MRC2: variants seen among roughly 807,000 people sequenced by gnomAD.
MRC2 encodes the protein C-type mannose receptor 2.
A neutral mutation model predicts 206.2 loss-of-function variants in MRC2; 84 were observed. The ratio of observed to expected loss-of-function variants is 0.41; its 90% CI spans 0.34 to 0.49. MRC2 has a LOEUF of 0.49. Ranked by LOEUF, MRC2 falls within the 20% of genes least tolerant of loss-of-function variation. The pLI is 0.31. For missense variants in MRC2, 1,676 were observed against 2,001.5 expected, an observed-to-expected ratio of 0.84 and a Z score of 3.10; for synonymous variants, 798 against 800.0, an observed-to-expected ratio of 1.00 and a Z score of 0.04.
At chr17:62,665,688 C>G (rs991102501) in intron 2 of MRC2, among the ~76,000 whole-genome samples, 7 of 152,168 alleles carry the variant, frequency 4.6e-5, no homozygotes, top group Non-Finnish European at 5.9e-5. Context: ...ACAGCCCCGT[C>G]CTGGGGGGGC....
chr17:62,639,390 G>A (rs1469338020), intron 1 of MRC2, among the ~76,000 whole-genome samples: 1 of 151,804 alleles, frequency 6.6e-6, no homozygotes, highest in African/African-American at 2.4e-5. Context: ...TGGAAATGAA[G>A]GAAATTAGCT....
Position 62,680,211 on chromosome 17 carries a change from C to A in MRC2, c.2340C>A (p.Asp780Glu). 6.2e-7 allele frequency: 1 copy of A among 1,614,124 alleles called. No homozygotes were observed. Among genetic ancestry groups the A allele is most frequent in the Non-Finnish European group, 8.5e-7 (1 of 1,180,000 alleles). Reference sequence around the variant, plus strand: ...TCGACCGGAGCCGGCACGACGACGACGACATCCGAGGCTGTGCGGTGCTGG... The same window carrying A: ...TCGACCGGAGCCGGCACGACGACGAAGACATCCGAGGCTGTGCGGTGCTGG... ...HNFDRSRHDD[D>E]DIRGCAVLDL... Residue 780 changes from aspartate (D) to glutamate (E), a missense_variant, in exon 15 of 30, where the codon GAC becomes GAA. Physicochemically the swap from Asp to Glu is conservative, Grantham distance 45. This residue lies in a region of MRC2 where 1,354 missense variants were observed against 1,636.6 expected (regional missense o/e 0.83). Transcript: ENST00000303375. This position sits in a 1 kb window ranked among gnomAD's most constrained non-coding sequence, Gnocchi z 4.8.
Position 62,677,379 on chromosome 17 carries a change from G to T in MRC2, c.1945G>T (p.Gly649Cys), listed in dbSNP as rs778511645. The T allele has an allele frequency of 6.2e-7, 1 of 1,610,584 alleles. No homozygotes were observed. Among genetic ancestry groups the T allele is most frequent in the Non-Finnish European group, 8.5e-7 (1 of 1,179,140 alleles). Residue 649 changes from glycine to cysteine, a missense_variant, in exon 12 of 30, where the codon GGC (glycine) becomes TGC (cysteine). By Grantham distance (159) the Gly-to-Cys change is radical (BLOSUM62 -3). This residue lies in a region of MRC2 where 1,354 missense variants were observed against 1,636.6 expected (regional missense o/e 0.83). Coordinates refer to ENST00000303375, the MANE Select transcript of MRC2 (RefSeq NM_006039.5). ...CCGCTACATCTGCCGGCAGAGCCTG[G>T]GCACTCCAGTGACGCCGGAGCTGCC... Reference protein sequence around the residue: ...RARYICRQSLGTPVTPELPGP... With the variant: ...RARYICRQSLCTPVTPELPGP...
At chr17:62,679,962 T>G in intron 14 of MRC2, 60 bp downstream of exon 14, 1 of 1,515,014 alleles carries the variant, frequency 6.6e-7, no homozygotes, top group South Asian at 1.2e-5. Context: ...CGGGGCCTGT[T>G]TGGGGCGGGG....
chr17:62,665,856 T>TA (rs2088746229), intron 2 of MRC2, among the ~76,000 whole-genome samples: 1 of 152,080 alleles, frequency 6.6e-6, no homozygotes, highest in African/African-American at 2.4e-5. Context: ...TTAGGGGTAC[T>TA]AGGGAGCCCC....
rs997939803 is a variant in MRC2, at chr17:62,671,181, C to G, written c.1118-468C>G. On this transcript the variant is annotated intron_variant, in intron 6 of 29. Transcript: ENST00000303375. The surrounding 1 kb of genome is among the most constrained non-coding windows in gnomAD (Gnocchi z 4.5). ...TGACCTCCCCGGGTCAAGTGATCCT[C>G]CCACCTCAGCCTCCTGAGTAGCGGG... Among the ~76,000 whole-genome samples, 7 of 152,222 alleles carry G rather than the reference C, an allele frequency of 4.6e-5. No individual in the cohort carries two copies. The highest frequency in any genetic ancestry group is 1.7e-4 in the African/African-American group (7 of 41,448).
chr17:62,636,460 GA>G (rs1485801761), intron 1 of MRC2, among the ~76,000 whole-genome samples: 16 of 124,512 alleles, frequency 1.3e-4, no homozygotes, highest in African/African-American at 4.3e-4. Flanking sequence ...GTAATCTTCT[GA>G]TTTTTTTTTT....
chr17:62,633,963 G>A (rs567763063), intron 1 of MRC2, among the ~76,000 whole-genome samples: 8 of 150,408 alleles, frequency 5.3e-5, no homozygotes, highest in Admixed American at 1.3e-4. Flanking sequence ...AATTTGAGGC[G>A]AATCCATAGG....
At chr17:62,643,342 AAAAAAG>A (rs1486261950) in intron 1 of MRC2, among the ~76,000 whole-genome samples, 2 of 38,622 alleles carry the variant, frequency 5.2e-5, no homozygotes, top group South Asian at 1.5e-3. Flanking sequence ...AAAAAAAAAA[AAAAAAG>A]AAAAAGAAAA....
chr17:62,632,741 A>G (rs1247607285), intron 1 of MRC2, among the ~76,000 whole-genome samples: 4 of 152,174 alleles, frequency 2.6e-5, no homozygotes, highest in Admixed American at 2.0e-4. Flanking sequence ...GCACACAGAC[A>G]TGGCCCATGG....
chr17:62,666,237 G>A lies in MRC2; in HGVS notation c.664G>A (p.Asp222Asn). The A allele has an allele frequency of 1.3e-6, 2 of 1,594,976 alleles. No individual in the cohort carries two copies. Among genetic ancestry groups the A allele is most frequent in the Non-Finnish European group, 1.7e-6 (2 of 1,171,380 alleles). ...TGCCACCACCCAGGACTACGGCAAA[G>A]ACGAGCGCTGGGGCTTCTGCCCCAT... is the stretch of plus-strand genomic sequence containing the variant. ...WCATTQDYGKDERWGFCPIKS... is the reference protein window; with the variant it reads ...WCATTQDYGKNERWGFCPIKS... Residue 222 changes from aspartate to asparagine, a missense_variant, in exon 3 of 30, where the codon GAC (aspartate) becomes AAC (asparagine). By Grantham distance (23) the Asp-to-Asn change is conservative. Around this residue, in one of 3 missense-constraint regions of MRC2, gnomAD observed 318 missense variants for 346.7 expected, o/e 0.92. Coordinates refer to ENST00000303375, the MANE Select transcript of MRC2 (RefSeq NM_006039.5). This position sits in a 1 kb window ranked among gnomAD's most constrained non-coding sequence, Gnocchi z 5.0.
chr17:62,680,339 A>C lies in MRC2; in HGVS notation c.2437+31A>C. 6.2e-7 allele frequency: 1 copy of C among 1,613,358 alleles called. No individual in the cohort carries two copies. Among genetic ancestry groups the C allele is most frequent in the Non-Finnish European group, 8.5e-7 (1 of 1,179,610 alleles). On this transcript the variant is annotated intron_variant, in intron 15 of 29. Coordinates refer to ENST00000303375, the MANE Select transcript of MRC2 (RefSeq NM_006039.5). The surrounding 1 kb of genome is among the most constrained non-coding windows in gnomAD (Gnocchi z 4.8). ...CCGGAGTGGCGCTGGGGGACGCGGG[A>C]TGGAGCGAAGGGTGGCGGGGCCAGG...
chr17:62,639,687 C>T (rs987865184), intron 1 of MRC2, among the ~76,000 whole-genome samples: 15 of 152,144 alleles, frequency 9.9e-5, no homozygotes, highest in African/African-American at 3.4e-4. Context: ...TGCAGTGGCA[C>T]AATCATAGTT....
intron 1 of MRC2, among the ~76,000 whole-genome samples, chr17:62,628,305 C>T (rs2084186864): frequency 6.6e-6 from 1 of 152,174 alleles, no homozygotes; most frequent in Admixed American, 6.5e-5. Context: ...AGCCAGGGCT[C>T]TCTGTCCGGG....
rs756201860 is a variant in MRC2 at position 62,689,537 on chromosome 17, C to G, written c.3350C>G (p.Pro1117Arg). Residue 1117 changes from proline (P) to arginine (R), a missense_variant, in exon 24 of 30, where the codon CCG becomes CGG. This residue lies in a region of MRC2 where 1,354 missense variants were observed against 1,636.6 expected (regional missense o/e 0.83). Coordinates refer to ENST00000303375, the MANE Select transcript of MRC2 (RefSeq NM_006039.5). ...CQKGTDPSLS[P>R]SPAALPPAPG... ...TTCCCTGTAGACCCCTCCCTGAGCC[C>G]GTCCCCAGCAGCGCTGCCCCCCGCC... The G allele has an allele frequency of 1.1e-5, 17 of 1,580,248 alleles. No individual in the cohort carries two copies. Among genetic ancestry groups the G allele is most frequent in the African/African-American group, 1.3e-5 (1 of 74,314 alleles).
Position 62,692,274 on chromosome 17 carries a change from G to C in MRC2, c.4263G>C (p.Ala1421=). The C allele has an allele frequency of 1.2e-6, 2 of 1,604,424 alleles. No homozygotes were observed. Among genetic ancestry groups the C allele is most frequent in the Non-Finnish European group, 1.7e-6 (2 of 1,175,578 alleles). ...NPAALVVVLM[A]VLLLLALLTA... is the part of the protein sequence containing the mutation. ...CGGCCCTGGTGGTGGTGCTGATGGC[G>C]GTGCTGCTGCTCCTGGCCTTGCTGA... Residue 1421 remains alanine, a synonymous_variant, in exon 30 of 30, where the codon GCG becomes GCC. Transcript: ENST00000303375. This position sits in a 1 kb window ranked among gnomAD's most constrained non-coding sequence, Gnocchi z 4.2.
rs769485885 is a variant in MRC2, at chr17:62,690,713, G to A, written c.3964G>A (p.Glu1322Lys). Residue 1322 changes from glutamate to lysine, a missense_variant, in exon 27 of 30, where the codon GAG becomes AAG. Glu to Lys is a moderately conservative substitution (Grantham distance 56, BLOSUM62 1). Transcript: ENST00000303375. The part of the protein sequence containing the change: ...VFVWEHLQSY[E>K]GQSRGAWLGM... Reference sequence around the variant, plus strand: ...TGTCTGGGAGCACCTGCAGAGCTATGAGGGCCAGAGTCGGGGCGCCTGGCT... The same window carrying A: ...TGTCTGGGAGCACCTGCAGAGCTATAAGGGCCAGAGTCGGGGCGCCTGGCT... 3.1e-6 allele frequency: 5 copies of A among 1,613,264 alleles called. No individual in the cohort carries two copies. The Admixed American group carries it at 5.0e-5, about 16-fold the overall frequency.
rs2088960260 is a variant in MRC2 at position 62,681,051 on chromosome 17, G to C, written c.2635-11G>C. ...GCTGCCTACCCACACCTGCCCGCCT[G>C]GCTTCTCCAGTTCTCCCGGGCCCAG... On this transcript the variant is annotated splice_polypyrimidine_tract_variant and intron_variant, in intron 17 of 29. Coordinates refer to ENST00000303375, the MANE Select transcript of MRC2 (RefSeq NM_006039.5). 6.2e-7 allele frequency: 1 copy of C among 1,613,320 alleles called. No individual in the cohort carries two copies. The highest frequency in any genetic ancestry group is 8.5e-7 in the Non-Finnish European group (1 of 1,179,952).
Position 62,667,274 on chromosome 17 carries a change from G to C in MRC2, c.974-116G>C. On this transcript the variant is annotated intron_variant, in intron 5 of 29. Coordinates refer to ENST00000303375, the MANE Select transcript of MRC2 (RefSeq NM_006039.5). This position sits in a 1 kb window ranked among gnomAD's most constrained non-coding sequence, Gnocchi z 4.1. Reference sequence around the variant, plus strand: ...GCTGGAGCTGAGCACCAGGCTTCCCGAACTGGCTCAGGCTTCCGAGGGAGC... The same window carrying C: ...GCTGGAGCTGAGCACCAGGCTTCCCCAACTGGCTCAGGCTTCCGAGGGAGC... 1 of 1,373,966 alleles carries C rather than the reference G, an allele frequency of 7.3e-7. No individual in the cohort carries two copies. The highest frequency in any genetic ancestry group is 9.7e-7 in the Non-Finnish European group (1 of 1,030,360). The allele number at this position is 1,373,966 out of a possible 1,614,324, so 85.1% of individuals were successfully genotyped here.
Sources: gnomAD v4.1 joint callset for allele counts (sites outside exome capture counted in the v4.1 genomes callset) on GRCh38, gnomAD v4.1.1 for gene constraint, gnomAD v4.1.1 regional missense constraint, Gnocchi (gnomAD v3.1) non-coding constraint, MANE v1.5 for transcripts, NCBI Gene and HGNC (gene_info 2026-07-23, HGNC 2026-07-21) for gene names.